PARD3: variants seen among roughly 807,000 people sequenced by gnomAD.
The protein encoded by PARD3 is par-3 family cell polarity regulator.
A neutral mutation model predicts 155.4 loss-of-function variants in PARD3; 75 were observed. The ratio of observed to expected loss-of-function variants is 0.48; its 90% CI spans 0.40 to 0.58. PARD3 has a LOEUF of 0.58. Ranked by LOEUF, PARD3 falls within the 20% of genes least tolerant of loss-of-function variation. PARD3 has a pLI of 0.00. For synonymous variants in PARD3, 576 were observed against 610.5 expected, an observed-to-expected ratio of 0.94 and a Z score of 0.83; for missense variants, 1,642 against 1,721.7, an observed-to-expected ratio of 0.95 and a Z score of 0.82.
chr10:34,447,936 A>AAAAAACTGTTTTTTTAAGTCTT (rs2076840561), intron 5 of PARD3, among the ~76,000 whole-genome samples: 1 of 152,198 alleles, frequency 6.6e-6, no homozygotes, highest in Non-Finnish European at 1.5e-5. Flanking sequence ...TCTCCTCAAA[A>AAAAAACTGTTTTTTTAAGTCTT]ACTTAAAAAA....
intron 3 of PARD3, among the ~76,000 whole-genome samples, chr10:34,507,058 G>A (rs2081114018): frequency 6.6e-6 from 1 of 152,146 alleles, no homozygotes; most frequent in Non-Finnish European, 1.5e-5. Flanking sequence ...ATCTTCTGCA[G>A]TGAGCTTCCA....
intron 1 of PARD3, among the ~76,000 whole-genome samples, chr10:34,786,015 A>C (rs1413739095): frequency 6.6e-6 from 1 of 151,578 alleles, no homozygotes; most frequent in Non-Finnish European, 1.5e-5. Context: ...TCTTCCCTGC[A>C]TTTCTCCCCA....
intron 2 of PARD3, among the ~76,000 whole-genome samples, chr10:34,567,606 C>T (rs766379202): frequency 6.6e-6 from 1 of 152,200 alleles, no homozygotes; most frequent in Non-Finnish European, 1.5e-5. Context: ...CACAGCACTT[C>T]CTACAAATCC....
At chr10:34,162,039 A>G (rs1401110641) in intron 22 of PARD3, among the ~76,000 whole-genome samples, 1 of 152,224 alleles carries the variant, frequency 6.6e-6, no homozygotes, top group Non-Finnish European at 1.5e-5. Flanking sequence ...ACATATATGT[A>G]CATATGATAG....
intron 20 of PARD3, among the ~76,000 whole-genome samples, chr10:34,292,009 T>C (rs865851683): frequency 6.6e-6 from 1 of 152,200 alleles, no homozygotes. Context: ...CTCCTAATCA[T>C]TGCAAAAGAT....
At chr10:34,301,728 C>A (rs1319870323) in intron 20 of PARD3, among the ~76,000 whole-genome samples, 1 of 151,924 alleles carries the variant, frequency 6.6e-6, no homozygotes, top group Non-Finnish European at 1.5e-5. Flanking sequence ...ATAGGATCCT[C>A]TTCCAGTATT....
intron 2 of PARD3, among the ~76,000 whole-genome samples, chr10:34,639,825 C>T (rs1419082569): frequency 6.6e-6 from 1 of 152,074 alleles, no homozygotes; most frequent in African/African-American, 2.4e-5. Flanking sequence ...ATAATTGCAA[C>T]ACTGCACTCC....
chr10:34,486,613 G>A (rs1193263719), intron 3 of PARD3, among the ~76,000 whole-genome samples: 1 of 152,160 alleles, frequency 6.6e-6, no homozygotes, highest in Non-Finnish European at 1.5e-5. Flanking sequence ...GGTAGCTTTG[G>A]ATGAGGCAAC....
chr10:34,265,735 T>A (rs971783051), intron 22 of PARD3, among the ~76,000 whole-genome samples: 6 of 152,222 alleles, frequency 3.9e-5, no homozygotes, highest in African/African-American at 1.4e-4. Flanking sequence ...GTCATTTCAC[T>A]GTCTGAATTT....
chr10:34,208,605 A>G (rs1951590454), intron 22 of PARD3, among the ~76,000 whole-genome samples: 1 of 152,194 alleles, frequency 6.6e-6, no homozygotes, highest in Admixed American at 6.5e-5. Context: ...GACGCAGAGA[A>G]GAGAGGTAGG....
At chr10:34,344,376 G>T in intron 15 of PARD3, 1 of 748,900 alleles carries the variant, frequency 1.3e-6, no homozygotes, top group Non-Finnish European at 1.6e-6. Flanking sequence ...TCTGCCTCCT[G>T]GGTTTAAGCA....
intron 22 of PARD3, among the ~76,000 whole-genome samples, chr10:34,174,841 A>G (rs1992378): frequency 0.19 from 29,592 of 152,164 alleles, 3,820 homozygotes; most frequent in Non-Finnish European, 0.26. Flanking sequence ...ATATGATTTT[A>G]CTGGAAAAAA....
chr10:34,735,212 T>A (rs1297791283), intron 1 of PARD3, among the ~76,000 whole-genome samples: 2 of 152,180 alleles, frequency 1.3e-5, no homozygotes, highest in African/African-American at 4.8e-5. Flanking sequence ...GGGCAATTTG[T>A]CAATAATAAG....
intron 22 of PARD3, among the ~76,000 whole-genome samples, chr10:34,194,451 C>T (rs1280526728): frequency 6.6e-6 from 1 of 152,082 alleles, no homozygotes; most frequent in East Asian, 1.9e-4. Flanking sequence ...AAACCAAGAT[C>T]GCACAGAGAA....
intron 21 of PARD3, among the ~76,000 whole-genome samples, chr10:34,274,569 A>G (rs1336783990): frequency 6.6e-6 from 1 of 152,174 alleles, no homozygotes; most frequent in Non-Finnish European, 1.5e-5. Flanking sequence ...CAGTCACTTA[A>G]TCATAGGTAA....
intron 15 of PARD3, chr10:34,344,675 C>A (rs962786778): frequency 3.7e-5 from 36 of 985,228 alleles, no homozygotes; most frequent in Non-Finnish European, 4.2e-5. Flanking sequence ...GTAGGCAGCC[C>A]CACTACAGGT....
intron 2 of PARD3, among the ~76,000 whole-genome samples, chr10:34,549,130 T>C (rs1163082020): frequency 2.6e-5 from 4 of 152,216 alleles, no homozygotes; most frequent in African/African-American, 4.8e-5. Flanking sequence ...ACAATTGTGA[T>C]AACATAGATA....
chr10:34,227,470 T>C (rs1420480693), intron 22 of PARD3, among the ~76,000 whole-genome samples: 4 of 152,056 alleles, frequency 2.6e-5, no homozygotes, highest in Non-Finnish European at 5.9e-5. Flanking sequence ...ACCCCATCTC[T>C]ACTAAAAATA....
chr10:34,388,346 C>T (rs1012229411), intron 7 of PARD3, among the ~76,000 whole-genome samples: 2 of 151,938 alleles, frequency 1.3e-5, no homozygotes, highest in Non-Finnish European at 2.9e-5. Context: ...TGGGAATGAA[C>T]TATCAAAAGA....
Sources: allele counts gnomAD v4.1 joint callset (sites outside exome capture counted in the v4.1 genomes callset), GRCh38; gene constraint gnomAD v4.1.1; transcripts MANE v1.5; gene names NCBI Gene and HGNC (gene_info 2026-07-23, HGNC 2026-07-21).